The following DAO variants were observed in gnomAD, a reference collection of about 807,000 sequenced individuals.
DAO encodes D-amino-acid oxidase.
DAO carries 51 observed loss-of-function variants against 50.1 expected under a neutral mutation model. The observed-to-expected ratio is 1.02, with a 90% CI of 0.81 to 1.29. The LOEUF is 1.29. Among genes scored for constraint, DAO ranks in the 50% most tolerant of loss-of-function variants. DAO has a pLI of 0.00. For synonymous variants in DAO, 160 were observed against 166.2 expected (o/e 0.96, Z 0.29); for missense variants, 436 against 439.4 (o/e 0.99, Z 0.07).
intron 1 of DAO, chr12:108,880,460 T>C (rs2039364652): frequency 3.4e-6 from 1 of 290,392 alleles, no homozygotes; most frequent in African/African-American, 2.2e-5. Flanking sequence ...ACTCCCCTCT[T>C]ACAGCGTGAG....
intron 7 of DAO, among the ~76,000 whole-genome samples, 159 bp from the exon 8 acceptor site, chr12:108,896,847 G>A (rs955243785): frequency 1.3e-5 from 2 of 152,214 alleles, no homozygotes; most frequent in Non-Finnish European, 2.9e-5. Flanking sequence ...TCCTGCAAGA[G>A]GCAAGCAGTC....
chr12:108,890,833 G>A (rs2039482907), intron 5 of DAO, among the ~76,000 whole-genome samples: 1 of 151,970 alleles, frequency 6.6e-6, no homozygotes, highest in Admixed American at 6.6e-5. Flanking sequence ...TTTTTTGTGT[G>A]TGTGAGATGG....
At chr12:108,890,629 C>CT (rs923169421) in intron 5 of DAO, among the ~76,000 whole-genome samples, 6 of 151,748 alleles carry the variant, frequency 4.0e-5, no homozygotes, top group Admixed American at 1.3e-4. Context: ...CTCCCTCTCT[C>CT]TTTTTTTTTC....
chr12:108,880,725 TA>T (rs978716392), intron 1 of DAO, among the ~76,000 whole-genome samples: 1 of 151,588 alleles, frequency 6.6e-6, no homozygotes, highest in South Asian at 2.1e-4. Flanking sequence ...TTTTTTTTTT[TA>T]AAAAGAAGTC....
At chr12:108,894,444 A>G (rs1322544228) in intron 7 of DAO, 77 bp downstream of exon 7, 3 of 1,213,394 alleles carry the variant, frequency 2.5e-6, no homozygotes, top group Non-Finnish European at 3.6e-6. Context: ...CCTCAAGATC[A>G]TGGACAAATC....
chr12:108,896,385 T>C (rs2039555654), intron 7 of DAO, among the ~76,000 whole-genome samples: 1 of 124,898 alleles, frequency 8.0e-6, no homozygotes, highest in Non-Finnish European at 1.5e-5. Context: ...ACTACACCAC[T>C]GCACTCCAGC....
intron 1 of DAO, chr12:108,883,505 G>A: frequency 2.5e-6 from 1 of 397,282 alleles, no homozygotes; most frequent in Non-Finnish European, 5.1e-6. Context: ...CAAAATGCTA[G>A]GAGACAGGAA....
At chr12:108,889,426 G>T (rs2039465990) in intron 3 of DAO, 43 bp from the exon 4 acceptor site, 1 of 1,393,684 alleles carries the variant, frequency 7.2e-7, no homozygotes, top group South Asian at 1.2e-5. Context: ...CATTATTATT[G>T]ACTTCCATCC....
intron 7 of DAO, among the ~76,000 whole-genome samples, chr12:108,895,298 CAT>C (rs1491137027): frequency 1.0e-4 from 15 of 146,454 alleles, no homozygotes; most frequent in South Asian, 4.4e-4. Context: ...GGTATGTGTG[CAT>C]ATGTGTGTGT....
intron 10 of DAO, chr12:108,899,993 TGTCAGACACAGCAGCAA>T (rs1365563704): frequency 3.2e-6 from 1 of 312,544 alleles, no homozygotes; most frequent in Non-Finnish European, 6.2e-6. Flanking sequence ...GTGTACTTCG[TGTCAGACACAGCAGCAA>T]GTCCATTACA....
At chr12:108,892,100 C>A (rs1049748955) in intron 5 of DAO, among the ~76,000 whole-genome samples, 2 of 151,654 alleles carry the variant, frequency 1.3e-5, no homozygotes, top group African/African-American at 2.4e-5. Flanking sequence ...GTATGCTTCA[C>A]CTTCTTTTTG....
chr12:108,893,763 G>T (rs919051617), intron 6 of DAO, among the ~76,000 whole-genome samples: 2 of 152,170 alleles, frequency 1.3e-5, no homozygotes, highest in Non-Finnish European at 2.9e-5. Context: ...CTCACGATGC[G>T]TGCTTGAGAT....
intron 6 of DAO, 139 bp from the exon 7 acceptor site, chr12:108,894,124 C>G: frequency 1.5e-6 from 1 of 683,918 alleles, no homozygotes. Context: ...CCAGGCCCCT[C>G]TGATTCCTCA....
intron 2 of DAO, among the ~76,000 whole-genome samples, chr12:108,885,965 T>G (rs751210122): frequency 2.8e-4 from 42 of 152,226 alleles, no homozygotes; most frequent in Non-Finnish European, 4.9e-4. Flanking sequence ...TTGGCCAGAC[T>G]GGTCTCGAAC....
chr12:108,894,408 A>C, intron 7 of DAO, 41 bp downstream of exon 7: 1 of 1,430,678 alleles, frequency 7.0e-7, no homozygotes, highest in Non-Finnish European at 9.8e-7. Context: ...GTTAATAGGA[A>C]GATCATTCTG....
chr12:108,884,683 C>T (rs181474417), intron 1 of DAO, among the ~76,000 whole-genome samples: 2 of 152,188 alleles, frequency 1.3e-5, no homozygotes, highest in East Asian at 3.9e-4. Context: ...TACAGTTGGT[C>T]GTGCCCTCTG....
At chr12:108,890,900 G>A (rs2039483652) in intron 5 of DAO, among the ~76,000 whole-genome samples, 1 of 152,114 alleles carries the variant, frequency 6.6e-6, no homozygotes, top group South Asian at 2.1e-4. Context: ...CTCACTGCAA[G>A]CTCTGCCTCC....
In DAO at chr12:108,896,996, G is replaced by A. The variant is rs201661713; in HGVS notation, c.613-10G>A. ...TCCGCTGATGAGACTTTCCTGCCCT[G>A]AATCAACAGGTGGACGCCCCTTGGA... On this transcript the variant is annotated splice_polypyrimidine_tract_variant and intron_variant, in intron 7 of 10. Coordinates refer to ENST00000228476, the MANE Select transcript of DAO (RefSeq NM_001917.5). The A allele has an allele frequency of 3.7e-6, 6 of 1,611,692 alleles. No homozygotes were observed. The Admixed American group carries it at 5.0e-5, about 13-fold the overall frequency.
chr12:108,881,197 C>CACACAA (rs1491204980), intron 1 of DAO, among the ~76,000 whole-genome samples: 1 of 131,838 alleles, frequency 7.6e-6, no homozygotes, highest in African/African-American at 2.7e-5. Flanking sequence ...CACACACACA[C>CACACAA]AAATATAATA....
Sources: allele counts gnomAD v4.1 joint callset (sites outside exome capture counted in the v4.1 genomes callset), GRCh38; gene constraint gnomAD v4.1.1; transcripts MANE v1.5; gene names NCBI Gene and HGNC (gene_info 2026-07-23, HGNC 2026-07-21).